The following FBXO34 variants were observed in gnomAD, a reference collection of about 807,000 sequenced individuals.
FBXO34 encodes F-box protein 34.
FBXO34 carries 12 observed loss-of-function variants against 24.5 expected under a neutral mutation model. That is an observed-to-expected ratio of 0.49 (90% CI 0.31 to 0.79). FBXO34 has a LOEUF of 0.79. FBXO34 is among the 30% of genes least tolerant of loss of function. The pLI is 0.04. For synonymous variants in FBXO34, 320 were observed against 311.9 expected (o/e 1.03, Z -0.27); for missense variants, 823 against 857.7 (o/e 0.96, Z 0.51).
the FBXO34 span, chr14:55,424,224 A>C: frequency 6.2e-7 from 1 of 1,613,382 alleles, no homozygotes; most frequent in South Asian, 1.1e-5. Context: ...CATTCTATAA[A>C]TAAGACCAGG....
intron 1 of FBXO34, among the ~76,000 whole-genome samples, chr14:55,332,181 ATCT>A (rs1328534109): frequency 6.6e-6 from 1 of 151,176 alleles, no homozygotes; most frequent in Non-Finnish European, 1.5e-5. Flanking sequence ...TTGATCACAC[ATCT>A]TCTGGCTTTC....
intron 1 of FBXO34, among the ~76,000 whole-genome samples, chr14:55,288,747 G>A (rs1217559818): frequency 6.6e-6 from 1 of 152,082 alleles, no homozygotes; most frequent in East Asian, 1.9e-4. Flanking sequence ...AGTAAATGAT[G>A]AGAAATGAAA....
chr14:55,302,306 A>G (rs1882384508), intron 1 of FBXO34, among the ~76,000 whole-genome samples: 1 of 152,220 alleles, frequency 6.6e-6, no homozygotes, highest in Non-Finnish European at 1.5e-5. Flanking sequence ...AGATAGGTAG[A>G]TAGGTAGATT....
At chr14:55,421,191 A>C in the FBXO34 span, among the ~76,000 whole-genome samples, 1 of 152,168 alleles carries the variant, frequency 6.6e-6, no homozygotes, top group African/African-American at 2.4e-5. Context: ...AATAAGATTT[A>C]TTTGTAATGA....
chr14:55,331,745 GTA>G (rs1297550986), intron 1 of FBXO34, among the ~76,000 whole-genome samples: 777 of 38,594 alleles, frequency 0.02, 228 homozygotes, highest in Non-Finnish European at 0.024. Context: ...ATATATGTGT[GTA>G]TATATATATA....
In FBXO34 at chr14:55,278,333, A is replaced by G. The variant is rs1458409565; in HGVS notation, c.-11+6796A>G. On this transcript the variant is annotated intron_variant, in intron 1 of 1. Transcript: ENST00000313833. ...AAGTTTCCTTTTTCAGTCCAAAGGG[A>G]TGGGTATTGTTCCAGTTTTCTGAGG... Among the ~76,000 whole-genome samples, 5 of 152,108 alleles carry G rather than the reference A, an allele frequency of 3.3e-5. No homozygotes were observed. The South Asian group carries it at 8.3e-4, about 25-fold the overall frequency.
chr14:55,302,459 T>G (rs982245112), intron 1 of FBXO34, among the ~76,000 whole-genome samples: 15 of 150,876 alleles, frequency 9.9e-5, no homozygotes, highest in African/African-American at 1.9e-4. Context: ...TTTTGTTTTT[T>G]TTTTTTTTTT....
rs1270089591 is a variant in FBXO34 at position 55,331,731 on chromosome 14, A to G, written c.-10-18650A>G. Among the ~76,000 whole-genome samples, 29 of 50,036 alleles carry G rather than the reference A, an allele frequency of 5.8e-4. 8 individuals are homozygous for G. The highest frequency in any genetic ancestry group is 1.9e-3 in the African/African-American group (9 of 4,732). 32.8% of individuals were successfully genotyped at this position (50,036 alleles called of 152,430 possible). ...TATATATATATGTATATATATATGT[A>G]TATATATATGTGTGTATATATATAT... On this transcript the variant is annotated intron_variant, in intron 1 of 1. Transcript: ENST00000313833.
intron 1 of FBXO34, among the ~76,000 whole-genome samples, chr14:55,304,287 G>A (rs1882463809): frequency 6.6e-6 from 1 of 152,076 alleles, no homozygotes; most frequent in South Asian, 2.1e-4. Context: ...TGAAACACCA[G>A]CTCCTTAATT....
chr14:55,299,568 T>C (rs1255945075), intron 1 of FBXO34, among the ~76,000 whole-genome samples: 1 of 151,974 alleles, frequency 6.6e-6, no homozygotes, highest in East Asian at 1.9e-4. Flanking sequence ...AAAGATATTT[T>C]CCCCCCATAA....
At chr14:55,380,852 T>C in the FBXO34 span, among the ~76,000 whole-genome samples, 13 of 93,762 alleles carry the variant, frequency 1.4e-4, no homozygotes, top group Non-Finnish European at 2.1e-4. Flanking sequence ...CCATTCTTTG[T>C]GTGTATATAT....
intron 1 of FBXO34, chr14:55,285,200 C>G (rs548440501): frequency 1.3e-5 from 2 of 149,800 alleles, no homozygotes; most frequent in East Asian, 1.9e-4. Flanking sequence ...ATGGAGAAAC[C>G]CTGTCTCTAC....
At chr14:55,300,777 GTC>G (rs1882326348) in intron 1 of FBXO34, among the ~76,000 whole-genome samples, 1 of 152,162 alleles carries the variant, frequency 6.6e-6, no homozygotes, top group Non-Finnish European at 1.5e-5. Flanking sequence ...CAGTTCAAAA[GTC>G]TGTGTAATGA....
chr14:55,356,995 C>T (rs1040009669), downstream of FBXO34, among the ~76,000 whole-genome samples: 2 of 152,232 alleles, frequency 1.3e-5, no homozygotes, highest in South Asian at 4.1e-4. Flanking sequence ...CGTTTTTCCT[C>T]AAAAAAGCTA....
chr14:55,337,006 C>T (rs1180059165), intron 1 of FBXO34, among the ~76,000 whole-genome samples: 1 of 147,788 alleles, frequency 6.8e-6, no homozygotes, highest in East Asian at 2.0e-4. Context: ...GAGACAGTCT[C>T]ACTCTGTCGC....
At chr14:55,301,449 C>A (rs1332561646) in intron 1 of FBXO34, among the ~76,000 whole-genome samples, 2 of 148,728 alleles carry the variant, frequency 1.3e-5, no homozygotes, top group Admixed American at 6.6e-5. Context: ...AAAAAAAAAA[C>A]AAGAAAAACT....
At chr14:55,339,643 A>G (rs570909044) in intron 1 of FBXO34, 31 of 152,300 alleles carry the variant, frequency 2.0e-4, no homozygotes, top group African/African-American at 5.5e-4. Context: ...TGATTGATTT[A>G]TCTATAGTAT....
chr14:55,291,677 C>A (rs1425253095), intron 1 of FBXO34, among the ~76,000 whole-genome samples: 2 of 152,028 alleles, frequency 1.3e-5, no homozygotes, highest in Non-Finnish European at 2.9e-5. Flanking sequence ...CTAATAAAAA[C>A]CCCAACAAAT....
chr14:55,336,319 T>C (rs780262861), intron 1 of FBXO34, among the ~76,000 whole-genome samples: 7 of 152,338 alleles, frequency 4.6e-5, no homozygotes, highest in Middle Eastern at 3.4e-3. Context: ...CAAGAACTTA[T>C]GTTGGTGCCC....
Sources: allele counts gnomAD v4.1 joint callset (sites outside exome capture counted in the v4.1 genomes callset), GRCh38; gene constraint gnomAD v4.1.1; transcripts MANE v1.5; gene names NCBI Gene and HGNC (gene_info 2026-07-23, HGNC 2026-07-21).